CTNNA3: variants seen among roughly 807,000 people sequenced by gnomAD.
CTNNA3 encodes catenin alpha-3.
In CTNNA3, 76 loss-of-function variants were observed where a neutral mutation model predicts 95.7. The ratio of observed to expected loss-of-function variants is 0.79; its 90% CI spans 0.66 to 0.96. The LOEUF (loss-of-function observed/expected upper bound fraction) is 0.96. Ranked by LOEUF, CTNNA3 falls within the 40% of genes least tolerant of loss-of-function variation. The pLI, the probability that CTNNA3 is intolerant of heterozygous loss-of-function variation, is 0.00. For missense variants in CTNNA3, 1,191 were observed against 1,089.8 expected (o/e 1.09, Z -1.31); for synonymous variants, 431 against 374.4 (o/e 1.15, Z -1.74).
intron 7 of CTNNA3, among the ~76,000 whole-genome samples, chr10:66,886,278 G>A (rs1009764571): frequency 6.6e-5 from 10 of 152,150 alleles, no homozygotes; most frequent in African/African-American, 1.4e-4. Context: ...CTCTTATTGC[G>A]AGAAACCCAT....
chr10:67,441,318 T>C (rs552862503), intron 5 of CTNNA3, among the ~76,000 whole-genome samples: 5 of 146,832 alleles, frequency 3.4e-5, no homozygotes, highest in Admixed American at 6.8e-5. Flanking sequence ...ATCTAGAAAA[T>C]AGCCTCGAAA....
chr10:67,181,177 C>T (rs1862522872), intron 6 of CTNNA3, among the ~76,000 whole-genome samples: 1 of 152,184 alleles, frequency 6.6e-6, no homozygotes, highest in Non-Finnish European at 1.5e-5. Flanking sequence ...TTAACACTAA[C>T]ATATCAAAGT....
At chr10:67,573,561 A>G (rs1265188305) in intron 3 of CTNNA3, among the ~76,000 whole-genome samples, 1 of 152,156 alleles carries the variant, frequency 6.6e-6, no homozygotes, top group Non-Finnish European at 1.5e-5. Flanking sequence ...AAATAATTTC[A>G]GAAACATTTG....
intron 7 of CTNNA3, among the ~76,000 whole-genome samples, chr10:67,138,772 T>C (rs1860409009): frequency 6.6e-6 from 1 of 152,332 alleles, no homozygotes. Context: ...CTTATTGTTA[T>C]TGTTTTGTAT....
chr10:66,375,045 G>A (rs2092785618), intron 12 of CTNNA3, among the ~76,000 whole-genome samples: 1 of 151,992 alleles, frequency 6.6e-6, no homozygotes, highest in Non-Finnish European at 1.5e-5. Context: ...ATTCATTATT[G>A]CCAAAGATTT....
At chr10:67,057,682 G>T (rs1052635980) in intron 7 of CTNNA3, among the ~76,000 whole-genome samples, 1 of 152,122 alleles carries the variant, frequency 6.6e-6, no homozygotes, top group African/African-American at 2.4e-5. Flanking sequence ...TTGTAAGTTT[G>T]CTGAACTGGG....
intron 15 of CTNNA3, among the ~76,000 whole-genome samples, chr10:66,001,130 A>C (rs184515229): frequency 1.3e-5 from 2 of 151,782 alleles, no homozygotes; most frequent in African/African-American, 2.4e-5. Context: ...TAAAATAAAA[A>C]ATATATATAT....
intron 7 of CTNNA3, among the ~76,000 whole-genome samples, chr10:66,949,362 G>A (rs1848423387): frequency 6.6e-6 from 1 of 152,052 alleles, no homozygotes; most frequent in Non-Finnish European, 1.5e-5. Context: ...TTGGAGACCA[G>A]CCTGACCAAC....
chr10:67,572,233 T>C (rs184750023), intron 3 of CTNNA3, among the ~76,000 whole-genome samples: 1 of 152,338 alleles, frequency 6.6e-6, no homozygotes, highest in East Asian at 1.9e-4. Context: ...TAATAATTTT[T>C]AAAATATGAC....
At chr10:66,123,370 G>A (rs1361461113) in intron 13 of CTNNA3, among the ~76,000 whole-genome samples, 1 of 152,162 alleles carries the variant, frequency 6.6e-6, no homozygotes, top group Non-Finnish European at 1.5e-5. Flanking sequence ...GCAAGAGGTG[G>A]GTTCCCATGG....
intron 7 of CTNNA3, among the ~76,000 whole-genome samples, chr10:67,093,562 A>C (rs1857789396): frequency 6.6e-6 from 1 of 151,888 alleles, no homozygotes; most frequent in Non-Finnish European, 1.5e-5. Flanking sequence ...TACAAGGTTG[A>C]GTCAAACAGA....
intron 7 of CTNNA3, among the ~76,000 whole-genome samples, chr10:66,810,552 A>G (rs10822918): frequency 0.55 from 83,142 of 151,962 alleles, 23,348 homozygotes; most frequent in East Asian, 0.76. Flanking sequence ...TTGCCCACAG[A>G]TTTCTTATTG....
chr10:66,564,912 T>C (rs12778001), intron 10 of CTNNA3, among the ~76,000 whole-genome samples: 8,154 of 152,260 alleles, frequency 0.054, 456 homozygotes, highest in East Asian at 0.23. Flanking sequence ...GCTCAAGTCA[T>C]AAAGCTAGTA....
At chr10:67,388,071 A>T (rs1844272467) in intron 5 of CTNNA3, among the ~76,000 whole-genome samples, 1 of 151,064 alleles carries the variant, frequency 6.6e-6, no homozygotes, top group South Asian at 2.1e-4. Context: ...AATGACTTTG[A>T]CGAGCTGAGA....
chr10:67,467,380 T>C (rs918560358), intron 5 of CTNNA3, among the ~76,000 whole-genome samples: 2 of 152,178 alleles, frequency 1.3e-5, no homozygotes, highest in Admixed American at 6.5e-5. Context: ...TAGCCCTACA[T>C]AAGTTTGGAT....
At chr10:66,878,762 C>A (rs2132461146) in intron 7 of CTNNA3, among the ~76,000 whole-genome samples, 1 of 152,204 alleles carries the variant, frequency 6.6e-6, no homozygotes, top group Non-Finnish European at 1.5e-5. Context: ...GTGGCTTTTT[C>A]ATACCTGTAC....
chr10:66,748,229 T>C (rs1838967050), intron 9 of CTNNA3, among the ~76,000 whole-genome samples: 1 of 152,200 alleles, frequency 6.6e-6, no homozygotes, highest in African/African-American at 2.4e-5. Context: ...AAAACAAAAA[T>C]GTGAGATCCA....
intron 7 of CTNNA3, among the ~76,000 whole-genome samples, chr10:67,124,454 A>C (rs1038126025): frequency 2.6e-5 from 4 of 151,784 alleles, no homozygotes; most frequent in African/African-American, 9.7e-5. Context: ...AAAATATTAC[A>C]AAAAATCAAT....
intron 7 of CTNNA3, among the ~76,000 whole-genome samples, chr10:66,904,337 C>T (rs868154306): frequency 2.0e-5 from 3 of 152,238 alleles, no homozygotes; most frequent in Middle Eastern, 3.4e-3. Flanking sequence ...AAACTGGATC[C>T]CTTCCTTACA....
Sources: gnomAD v4.1 joint callset for allele counts (sites outside exome capture counted in the v4.1 genomes callset) on GRCh38, gnomAD v4.1.1 for gene constraint, MANE v1.5 for transcripts, NCBI Gene and HGNC (gene_info 2026-07-23, HGNC 2026-07-21) for gene names.